Variants in ABCC8 observed in about 807,000 individuals in gnomAD.
ABCC8 encodes ATP binding cassette subfamily C member 8.
A neutral mutation model predicts 188.0 loss-of-function variants in ABCC8; 137 were observed. The observed-to-expected ratio is 0.73, with a 90% confidence interval of 0.63 to 0.84. The LOEUF is 0.84. Among genes scored for constraint, ABCC8 ranks in the 40% least tolerant of loss-of-function variants. The pLI is 0.00. For missense variants in ABCC8, 1,750 were observed against 2,072.7 expected, an observed-to-expected ratio of 0.84 and a Z score of 3.02; for synonymous variants, 797 against 846.5, an observed-to-expected ratio of 0.94 and a Z score of 1.01.
chr11:17,448,484 C>T, intron 8 of ABCC8, 32 bp downstream of exon 8: 3 of 1,595,496 alleles, frequency 1.9e-6, no homozygotes, highest in Non-Finnish European at 2.6e-6. Flanking sequence ...TGTCCTGCTG[C>T]CCCCCTCCCT....
rs1554907454 is a variant in ABCC8, at chr11:17,399,301, A to AAC, written c.3651-861_3651-860insGT. ...AAAAAAAAAAAAAAAAAAAAAAAAA[A>AAC]AAACAAATAAAAAAGAATATTAATG... On this transcript the variant is annotated intron_variant, in intron 29 of 38. Coordinates refer to ENST00000389817, the MANE Select transcript of ABCC8 (RefSeq NM_000352.6). 8.6e-3 allele frequency among the ~76,000 whole-genome samples: 1,173 copies of AAC among 136,280 alleles called. 82 individuals carry two copies. Among genetic ancestry groups the AAC allele is most frequent in the Admixed American group, 0.054 (673 of 12,472 alleles). 89.4% of individuals were successfully genotyped at this position (136,280 alleles called of 152,430 possible). A position where few individuals can be genotyped will look rare whatever the true frequency, so the allele number is the denominator to read the frequency against.
At chr11:17,464,470 C>T (rs978156288) in intron 3 of ABCC8, among the ~76,000 whole-genome samples, 2 of 152,234 alleles carry the variant, frequency 1.3e-5, no homozygotes, top group African/African-American at 4.8e-5. Context: ...GGATTAGTCA[C>T]TTAGCCTTCT....
At chr11:17,472,624 A>G (rs940267542) in intron 2 of ABCC8, among the ~76,000 whole-genome samples, 7 of 152,162 alleles carry the variant, frequency 4.6e-5, no homozygotes, top group African/African-American at 1.7e-4. Context: ...GCCTGGGGGT[A>G]GGAGCTCACA....
chr11:17,473,120 G>T (rs1456554671), intron 2 of ABCC8, among the ~76,000 whole-genome samples: 1 of 152,176 alleles, frequency 6.6e-6, no homozygotes, highest in African/African-American at 2.4e-5. Flanking sequence ...CTTGTGCAAA[G>T]TCCCATAGCT....
chr11:17,429,109 C>A, intron 12 of ABCC8: 1 of 184,494 alleles, frequency 5.4e-6, no homozygotes, highest in South Asian at 1.2e-4. Context: ...CCATAACAGC[C>A]TGCTGGAGGA....
chr11:17,468,856 A>C (rs1848313793), intron 3 of ABCC8, among the ~76,000 whole-genome samples: 1 of 152,168 alleles, frequency 6.6e-6, no homozygotes. Flanking sequence ...CCCATGGCAC[A>C]TGCTCAGTAA....
At chr11:17,422,238 A>T (rs953187025) in intron 16 of ABCC8, among the ~76,000 whole-genome samples, 22 of 152,190 alleles carry the variant, frequency 1.4e-4, no homozygotes, top group Admixed American at 9.2e-4. Context: ...CAAACAGCAG[A>T]TGAAGCTAAT....
intron 13 of ABCC8, 71 bp from the exon 14 acceptor site, chr11:17,428,476 GA>G: frequency 1.9e-6 from 3 of 1,601,638 alleles, no homozygotes; most frequent in Non-Finnish European, 1.7e-6. Flanking sequence ...CTCTTCCTGG[GA>G]AAAAAGGCAG....
intron 28 of ABCC8, among the ~76,000 whole-genome samples, chr11:17,403,486 T>C (rs953702401): frequency 7.2e-5 from 11 of 152,192 alleles, no homozygotes; most frequent in Non-Finnish European, 1.6e-4. Flanking sequence ...AGCTATGTTG[T>C]TCGTGTGGGT....
At chr11:17,397,539 G>T in intron 31 of ABCC8, 145 bp downstream of exon 31, 1 of 1,424,368 alleles carries the variant, frequency 7.0e-7, no homozygotes, top group Non-Finnish European at 9.6e-7. Context: ...CTGCTGGTCA[G>T]CCTTCCTGCC....
At chr11:17,407,244 A>G in intron 24 of ABCC8, 110 bp downstream of exon 24, 1 of 1,609,520 alleles carries the variant, frequency 6.2e-7, no homozygotes, top group South Asian at 1.1e-5. Flanking sequence ...GAGGGAAGCC[A>G]TTTAATCAAA....
At chr11:17,463,948 C>G (rs868714764) in intron 3 of ABCC8, among the ~76,000 whole-genome samples, 1 of 152,310 alleles carries the variant, frequency 6.6e-6, no homozygotes, top group African/African-American at 2.4e-5. Flanking sequence ...AACACATGAT[C>G]TTATCTATTC....
Position 17,463,563 on chromosome 11 carries a change from T to C in ABCC8, c.454A>G (p.Ile152Val), listed in dbSNP as rs1564980814. The C allele has an allele frequency of 6.3e-7, 1 of 1,592,838 alleles. No individual in the cohort carries two copies. Among genetic ancestry groups the C allele is most frequent in the Non-Finnish European group, 8.6e-7 (1 of 1,169,464 alleles). The part of the protein sequence containing the change: ...YWTLAFITKT[I>V]KFVKFLDHAI... ...TGGTCCAAGAACTTGACAAACTTGA[T>C]GGTCTTGGTGATGAAGGCCAGGGTC... is the stretch of plus-strand genomic sequence containing the variant. Residue 152 changes from isoleucine to valine, a missense_variant, in exon 4 of 39, where the codon ATC (isoleucine) becomes GTC (valine). Transcript: ENST00000389817.
intron 16 of ABCC8, among the ~76,000 whole-genome samples, chr11:17,421,490 C>A (rs765063447): frequency 3.3e-4 from 50 of 152,162 alleles, no homozygotes; most frequent in Non-Finnish European, 5.4e-4. Flanking sequence ...TAGCAAAAAG[C>A]ACTACGGATA....
chr11:17,410,134 A>C, intron 22 of ABCC8: 2 of 177,294 alleles, frequency 1.1e-5, no homozygotes, highest in Non-Finnish European at 2.4e-5. Context: ...CACCCCGGGA[A>C]GGTCATAGGG....
At chr11:17,408,978 G>A (rs1209444939) in intron 22 of ABCC8, among the ~76,000 whole-genome samples, 1 of 136,986 alleles carries the variant, frequency 7.3e-6, no homozygotes, top group African/African-American at 2.6e-5. Flanking sequence ...TTTTGAGACA[G>A]GGTCTCACTC....
intron 8 of ABCC8, among the ~76,000 whole-genome samples, chr11:17,447,150 T>C (rs186938383): frequency 1.2e-4 from 19 of 152,336 alleles, no homozygotes; most frequent in Admixed American, 4.6e-4. Flanking sequence ...CACTTTCTGC[T>C]ACATCAAGCT....
chr11:17,456,506 C>T (rs1591873488), intron 6 of ABCC8, among the ~76,000 whole-genome samples: 2 of 152,186 alleles, frequency 1.3e-5, no homozygotes, highest in Admixed American at 6.5e-5. Context: ...ATCACTTGGA[C>T]TCTTGTTTCC....
intron 23 of ABCC8, 30 bp downstream of exon 23, chr11:17,408,362 G>A (rs1591748671): frequency 1.9e-6 from 3 of 1,600,522 alleles, no homozygotes; most frequent in East Asian, 2.2e-5. Context: ...ATCCAGGGGT[G>A]GCTGCTTGGC....
Sources: gnomAD v4.1 joint callset for allele counts (sites outside exome capture counted in the v4.1 genomes callset) on GRCh38, gnomAD v4.1.1 for gene constraint, MANE v1.5 for transcripts, NCBI Gene and HGNC (gene_info 2026-07-23, HGNC 2026-07-21) for gene names.